The following DOCK3 variants were observed in gnomAD, a reference collection of about 807,000 sequenced individuals.
DOCK3 encodes the protein dedicator of cytokinesis 3.
Under a neutral mutation model 265.6 loss-of-function variants are expected in DOCK3, and 60 were observed. That is an observed-to-expected ratio of 0.23 (90% CI 0.18 to 0.28). DOCK3 has a LOEUF of 0.28. Among genes scored for constraint, DOCK3 ranks in the 10% least tolerant of loss-of-function variants. The probability of loss-of-function intolerance (pLI) is 1.00; values close to 1 mark genes in which losing one functional copy is unlikely to be tolerated. For missense variants in DOCK3, 1,981 were observed against 2,594.3 expected, an observed-to-expected ratio of 0.76 and a Z score of 5.14; for synonymous variants, 881 against 938.0, an observed-to-expected ratio of 0.94 and a Z score of 1.11.
At chr3:50,874,850 G>C (rs2047623213) in intron 3 of DOCK3, among the ~76,000 whole-genome samples, 1 of 151,986 alleles carries the variant, frequency 6.6e-6, no homozygotes, top group African/African-American at 2.4e-5. Flanking sequence ...GGAGTCTTTA[G>C]GTTTCTCTAA....
intron 5 of DOCK3, among the ~76,000 whole-genome samples, chr3:50,973,295 C>T (rs1262581747): frequency 7.0e-6 from 1 of 142,382 alleles, no homozygotes; most frequent in East Asian, 2.3e-4. Context: ...CCCCTCCCCC[C>T]ACCCCAAAAC....
rs550305305 is a variant in DOCK3, at chr3:50,873,198, C to T, written c.163-16828C>T. Among the ~76,000 whole-genome samples, 169 of 152,302 alleles carry T rather than the reference C, an allele frequency of 1.1e-3. 1 individual carries two copies. The highest frequency in any genetic ancestry group is 2.0e-3 in the Admixed American group (30 of 15,298). ...TCACCCAAGACCCTTGATGTAATAC[C>T]TGGGTATCACTCCTGGTTATTCAGG... On this transcript the variant is annotated intron_variant, in intron 3 of 52. Coordinates refer to ENST00000266037, the MANE Select transcript of DOCK3 (RefSeq NM_004947.5).
At chr3:50,831,427 G>A (rs1285073329) in intron 2 of DOCK3, among the ~76,000 whole-genome samples, 1 of 151,816 alleles carries the variant, frequency 6.6e-6, no homozygotes, top group East Asian at 1.9e-4. Context: ...CCCTCCCTAT[G>A]TCCATGTGTT....
At chr3:50,895,637 G>A (rs1215230154) in intron 4 of DOCK3, among the ~76,000 whole-genome samples, 1 of 152,054 alleles carries the variant, frequency 6.6e-6, no homozygotes, top group Non-Finnish European at 1.5e-5. Flanking sequence ...TCAACATTAG[G>A]TATTTCTCCT....
chr3:51,096,045 A>G (rs1439231565), intron 9 of DOCK3, among the ~76,000 whole-genome samples: 8 of 151,850 alleles, frequency 5.3e-5, no homozygotes, highest in Admixed American at 5.3e-4. Context: ...GTTGCCTTTA[A>G]CATTTTTTTC....
chr3:51,179,642 C>G (rs959103050), intron 12 of DOCK3, among the ~76,000 whole-genome samples: 1 of 152,146 alleles, frequency 6.6e-6, no homozygotes, highest in Non-Finnish European at 1.5e-5. Context: ...AAAGTGCCAC[C>G]TTTGCCTGTA....
Position 51,228,078 on chromosome 3 carries a change from A to G in DOCK3, c.1637A>G (p.Tyr546Cys). Residue 546 changes from tyrosine (Y) to cysteine (C), a missense_variant, in exon 17 of 53, where the codon TAT (tyrosine) becomes TGT (cysteine). Transcript: ENST00000266037. ...TTLSDDIHEL[Y>C]VYKCDENSTF... ...CTCTCAGATGATATTCACGAGCTTTATGTGTACAAGGTATGAAGCCTAGCT... is the reference window on the plus strand; with the variant it reads ...CTCTCAGATGATATTCACGAGCTTTGTGTGTACAAGGTATGAAGCCTAGCT... The G allele has an allele frequency of 6.2e-7, 1 of 1,613,974 alleles. No homozygotes were observed. Among genetic ancestry groups the G allele is most frequent in the Non-Finnish European group, 8.5e-7 (1 of 1,179,876 alleles).
At position 50,675,323 on chromosome 3, in the gene DOCK3, C is replaced by T. The variant is rs765647605; in HGVS notation, c.37+23C>T. On this transcript the variant is annotated intron_variant, in intron 1 of 52. Transcript: ENST00000266037. This position sits in a 1 kb window ranked among gnomAD's most constrained non-coding sequence, Gnocchi z 6.1. ...TAGGTAGGTGAGGCTCAGGCCTGGC[C>T]GTGGCGGGGGTTCTGGGGGACGCGC... The T allele has an allele frequency of 1.4e-5, 18 of 1,247,432 alleles. No homozygotes were observed. The highest frequency in any genetic ancestry group is 3.6e-5 in the Admixed American group (1 of 27,458). 77.3% of individuals were successfully genotyped at this position (1,247,432 alleles called of 1,614,324 possible).
chr3:51,110,868 G>A (rs1420021456), intron 9 of DOCK3, among the ~76,000 whole-genome samples: 1 of 152,052 alleles, frequency 6.6e-6, no homozygotes, highest in Non-Finnish European at 1.5e-5. Context: ...AGGCCTCTAC[G>A]TAGGAAGAGA....
intron 4 of DOCK3, among the ~76,000 whole-genome samples, chr3:50,917,829 A>G (rs2050211085): frequency 6.6e-6 from 1 of 152,080 alleles, no homozygotes; most frequent in Non-Finnish European, 1.5e-5. Context: ...TTACATATGT[A>G]TACATGTGAC....
chr3:51,088,279 G>A (rs2082505385), intron 7 of DOCK3, among the ~76,000 whole-genome samples: 2 of 152,150 alleles, frequency 1.3e-5, no homozygotes, highest in African/African-American at 2.4e-5. Flanking sequence ...GTGGGGTGGT[G>A]GGGTTGAAGA....
At chr3:51,286,839 G>A (rs1560356714) in intron 27 of DOCK3, among the ~76,000 whole-genome samples, 1 of 152,194 alleles carries the variant, frequency 6.6e-6, no homozygotes, top group African/African-American at 2.4e-5. Context: ...GGACTTAAAT[G>A]TAAAACCTAA....
intron 5 of DOCK3, among the ~76,000 whole-genome samples, chr3:51,007,496 G>T (rs1284874394): frequency 6.6e-6 from 1 of 152,176 alleles, no homozygotes; most frequent in Non-Finnish European, 1.5e-5. Flanking sequence ...ATTTGTTTGA[G>T]TTCTTTGTAG....
chr3:50,816,482 A>G (rs1311745992), intron 2 of DOCK3, among the ~76,000 whole-genome samples: 1 of 151,598 alleles, frequency 6.6e-6, no homozygotes, highest in South Asian at 2.1e-4. Context: ...CCACTACGCC[A>G]GCTAATTTTT....
At chr3:50,746,109 A>ATTTT (rs562706919) in intron 1 of DOCK3, among the ~76,000 whole-genome samples, 4 of 135,462 alleles carry the variant, frequency 3.0e-5, no homozygotes, top group African/African-American at 8.2e-5. Flanking sequence ...ATGATGTCTA[A>ATTTT]TTTTTTTTTT....
At chr3:51,352,742 G>A (rs759333961) in intron 40 of DOCK3, among the ~76,000 whole-genome samples, 5 of 152,208 alleles carry the variant, frequency 3.3e-5, no homozygotes, top group Non-Finnish European at 5.9e-5. Context: ...AGTCCCAGTG[G>A]AGGTAGCTCT....
chr3:51,214,028 G>T, intron 13 of DOCK3, 94 bp from the exon 14 acceptor site: 1 of 1,541,796 alleles, frequency 6.5e-7, no homozygotes. Context: ...GCTGAACTTT[G>T]CACATTTTCT....
intron 23 of DOCK3, 49 bp from the exon 24 acceptor site, chr3:51,270,766 G>A (rs746924761): frequency 1.0e-5 from 16 of 1,553,172 alleles, no homozygotes; most frequent in Non-Finnish European, 1.1e-5. Flanking sequence ...ATGAAAGATA[G>A]ACACACACCC....
chr3:51,331,235 A>G (rs2084498452), intron 33 of DOCK3, among the ~76,000 whole-genome samples: 1 of 152,182 alleles, frequency 6.6e-6, no homozygotes, highest in Admixed American at 6.5e-5. Context: ...TACTATGCCC[A>G]TTTTGTTTCT....
Sources: gnomAD v4.1 joint callset for allele counts (sites outside exome capture counted in the v4.1 genomes callset) on GRCh38, gnomAD v4.1.1 for gene constraint, Gnocchi (gnomAD v3.1) non-coding constraint, MANE v1.5 for transcripts, NCBI Gene and HGNC (gene_info 2026-07-23, HGNC 2026-07-21) for gene names.